The following SHANK2 variants were observed in gnomAD, a reference collection of about 807,000 sequenced individuals.
SHANK2 encodes SH3 and multiple ankyrin repeat domains protein 2.
Under a neutral mutation model 133.7 loss-of-function variants are expected in SHANK2, and 43 were observed. That is an observed-to-expected ratio of 0.32 (90% CI 0.25 to 0.41). The LOEUF is 0.41. SHANK2 is among the 10% of genes least tolerant of loss of function. The probability of loss-of-function intolerance (pLI) is 1.00; values close to 1 mark genes in which losing one functional copy is unlikely to be tolerated. For synonymous variants in SHANK2, 1,017 were observed against 952.8 expected, an observed-to-expected ratio of 1.07 and a Z score of -1.24; for missense variants, 1,994 against 2,235.8, an observed-to-expected ratio of 0.89 and a Z score of 2.18.
chr11:70,892,361 G>C (rs1949859757), intron 11 of SHANK2, among the ~76,000 whole-genome samples: 1 of 152,108 alleles, frequency 6.6e-6, no homozygotes, highest in African/African-American at 2.4e-5. Flanking sequence ...TATGGTGGGG[G>C]GGACTGCCCT....
chr11:70,500,641 C>T lies in SHANK2; in HGVS notation c.2288-51G>A. 1.3e-6 allele frequency: 2 copies of T among 1,581,264 alleles called. No homozygotes were observed. The highest frequency in any genetic ancestry group is 1.7e-6 in the Non-Finnish European group (2 of 1,164,174). On this transcript the variant is annotated intron_variant, in intron 20 of 25. Transcript: ENST00000601538. The surrounding 1 kb of genome is among the most constrained non-coding windows in gnomAD (Gnocchi z 4.5). The stretch of plus-strand genomic sequence containing the variant: ...TGAGCCACCAGGATGCAGCGCCCGC[C>T]CGCAGCCTACACTCGGGCCTTGTCA...
At chr11:70,532,549 C>G (rs1294951810) in intron 17 of SHANK2, among the ~76,000 whole-genome samples, 1 of 151,792 alleles carries the variant, frequency 6.6e-6, no homozygotes, top group Non-Finnish European at 1.5e-5. Context: ...AAAATGGAGT[C>G]ACAACCCAGA....
At chr11:71,241,403 C>CCCTGCCTGT (rs1403343076) in intron 1 of SHANK2, among the ~76,000 whole-genome samples, 2 of 152,116 alleles carry the variant, frequency 1.3e-5, no homozygotes, top group Non-Finnish European at 2.9e-5. Context: ...GCCCCGCTTC[C>CCCTGCCTGT]CCTGCCCCAC....
intron 10 of SHANK2, among the ~76,000 whole-genome samples, chr11:70,909,330 C>T (rs1555078539): frequency 3.3e-5 from 5 of 152,150 alleles, no homozygotes; most frequent in Non-Finnish European, 5.9e-5. Context: ...CCTAGACTCA[C>T]GGCACAGAAT....
At chr11:70,670,755 G>C (rs567752327) in intron 15 of SHANK2, among the ~76,000 whole-genome samples, 1 of 152,198 alleles carries the variant, frequency 6.6e-6, no homozygotes, top group Non-Finnish European at 1.5e-5. Flanking sequence ...TGACAGCCCC[G>C]GCCAGCCTGC....
chr11:70,623,922 G>T (rs1452729160), intron 17 of SHANK2, among the ~76,000 whole-genome samples: 3 of 152,208 alleles, frequency 2.0e-5, no homozygotes, highest in African/African-American at 7.2e-5. Flanking sequence ...CCAGGGCAGG[G>T]TGTGGACAGC....
chr11:70,711,895 A>T (rs781872869), intron 14 of SHANK2, among the ~76,000 whole-genome samples: 3 of 152,232 alleles, frequency 2.0e-5, no homozygotes, highest in Non-Finnish European at 4.4e-5. Context: ...CAGAATGCCC[A>T]GGCACACGTC....
chr11:70,868,877 A>G (rs1199536775), intron 11 of SHANK2, among the ~76,000 whole-genome samples: 2 of 152,212 alleles, frequency 1.3e-5, no homozygotes. Flanking sequence ...GGCGTCCTGC[A>G]GTTAGAAGCC....
At chr11:70,627,025 T>G (rs2060914508) in intron 17 of SHANK2, among the ~76,000 whole-genome samples, 1 of 152,000 alleles carries the variant, frequency 6.6e-6, no homozygotes, top group Non-Finnish European at 1.5e-5. Flanking sequence ...GCCGTGAAGG[T>G]CAGATGGGAG....
chr11:70,487,512 A>T lies in SHANK2; in HGVS notation c.2781T>A (p.Asn927Lys). 1 of 1,613,782 alleles carries T rather than the reference A, an allele frequency of 6.2e-7. No individual in the cohort carries two copies. The highest frequency in any genetic ancestry group is 8.5e-7 in the Non-Finnish European group (1 of 1,179,960). ...YGTIKPAFNQ[N>K]SAAKVSPATR... ...TGGCGGGGGACACCTTGGCGGCAGA[A>T]TTCTGATTGAACGCAGGCTTAATCG... The change falls in exon 25 of 26, where the codon AAT becomes AAA. Residue 927 changes from asparagine to lysine, a missense_variant. Asn to Lys is a moderately conservative substitution (Grantham distance 94). Transcript: ENST00000601538. The surrounding 1 kb of genome is among the most constrained non-coding windows in gnomAD (Gnocchi z 5.8).
intron 14 of SHANK2, among the ~76,000 whole-genome samples, chr11:70,732,118 C>A (rs1445412136): frequency 6.6e-6 from 1 of 152,104 alleles, no homozygotes; most frequent in African/African-American, 2.4e-5. Context: ...ACCCTCCAGC[C>A]CAACCCATGC....
At chr11:70,514,855 G>T (rs1591525206) in intron 17 of SHANK2, among the ~76,000 whole-genome samples, 1 of 152,142 alleles carries the variant, frequency 6.6e-6, no homozygotes, top group East Asian at 1.9e-4. Flanking sequence ...AACCTAGATG[G>T]AACCACATGA....
At chr11:70,537,733 C>T (rs1218671836) in intron 17 of SHANK2, among the ~76,000 whole-genome samples, 3 of 152,270 alleles carry the variant, frequency 2.0e-5, no homozygotes, top group African/African-American at 7.2e-5. Flanking sequence ...AAATAGGCGG[C>T]TGGGCCCTGG....
chr11:70,854,814 T>C (rs1441472653), intron 11 of SHANK2, among the ~76,000 whole-genome samples: 1 of 152,238 alleles, frequency 6.6e-6, no homozygotes, highest in African/African-American at 2.4e-5. Context: ...CACTGCCCCA[T>C]GGCCTCTGGG....
At chr11:70,893,855 G>A (rs1949891111) in intron 11 of SHANK2, among the ~76,000 whole-genome samples, 1 of 152,158 alleles carries the variant, frequency 6.6e-6, no homozygotes, top group Non-Finnish European at 1.5e-5. Flanking sequence ...ATACGGACAT[G>A]AGAGACTCAA....
chr11:70,609,096 C>T lies in SHANK2; in HGVS notation c.2061+50732G>A, dbSNP rs151334583. On this transcript the variant is annotated intron_variant, in intron 17 of 25. Transcript: ENST00000601538. ...CACGTGGAGCTGCAGCAAGTGGTCG[C>T]GTTGTTTGTTCACGGACCTGTGGCA... 3.4e-4 allele frequency among the ~76,000 whole-genome samples: 52 copies of T among 152,318 alleles called. No homozygotes were observed. In the East Asian group the frequency reaches 4.8e-3, roughly 14 times the overall value.
intron 6 of SHANK2, among the ~76,000 whole-genome samples, chr11:71,097,658 G>C (rs1349723427): frequency 6.6e-6 from 1 of 152,178 alleles, no homozygotes; most frequent in East Asian, 1.9e-4. Flanking sequence ...TGCTTCGAAA[G>C]GGTGAGAAGC....
At chr11:71,166,199 C>T (rs568648350) in intron 2 of SHANK2, among the ~76,000 whole-genome samples, 10 of 152,280 alleles carry the variant, frequency 6.6e-5, no homozygotes, top group East Asian at 1.9e-4. Context: ...TGGGTCACCT[C>T]GCTTCACCCT....
intron 17 of SHANK2, among the ~76,000 whole-genome samples, chr11:70,602,903 A>G (rs2060519770): frequency 6.6e-6 from 1 of 152,192 alleles, no homozygotes; most frequent in Non-Finnish European, 1.5e-5. Flanking sequence ...CTATCATATG[A>G]TAGAGTCCTA....
Sources: gnomAD v4.1 joint callset for allele counts (sites outside exome capture counted in the v4.1 genomes callset) on GRCh38, gnomAD v4.1.1 for gene constraint, Gnocchi (gnomAD v3.1) non-coding constraint, MANE v1.5 for transcripts, NCBI Gene and HGNC (gene_info 2026-07-23, HGNC 2026-07-21) for gene names.